Variants in SENP6 observed in about 807,000 individuals in gnomAD.
SENP6 encodes sentrin-specific protease 6.
SENP6 carries 41 observed loss-of-function variants against 134.5 expected under a neutral mutation model. The observed-to-expected ratio is 0.30, with a 90% CI of 0.24 to 0.40. The LOEUF (loss-of-function observed/expected upper bound fraction) is 0.40. Among genes scored for constraint, SENP6 ranks in the 10% least tolerant of loss-of-function variants. The pLI, the probability that SENP6 is intolerant of heterozygous loss-of-function variation, is 1.00. For missense variants in SENP6, 1,248 were observed against 1,312.5 expected, an observed-to-expected ratio of 0.95 and a Z score of 0.76; for synonymous variants, 395 against 429.8, an observed-to-expected ratio of 0.92 and a Z score of 1.00.
At chr6:75,625,620 A>C (rs1007675028) in intron 3 of SENP6, among the ~76,000 whole-genome samples, 2 of 152,194 alleles carry the variant, frequency 1.3e-5, no homozygotes, top group Non-Finnish European at 2.9e-5. Context: ...AGTAATCCCA[A>C]CACTTTGGGA....
rs1398586058 is a variant in SENP6 at position 75,716,927 on chromosome 6, T to A, written c.*1333T>A. On this transcript the variant is annotated 3_prime_UTR_variant, in exon 24 of 24. Coordinates refer to ENST00000447266, the MANE Select transcript of SENP6 (RefSeq NM_015571.4). ...GGGTATTTTCTTGAATTTAATAAAG[T>A]CCCATGGGTGGGTTCAGGGTGAATG... is the stretch of plus-strand genomic sequence containing the variant. The A allele has an allele frequency of 6.6e-6, 1 of 151,860 alleles. No homozygotes were observed. Among genetic ancestry groups the A allele is most frequent in the Non-Finnish European group, 1.5e-5 (1 of 67,832 alleles). 9.4% of individuals were successfully genotyped at this position (151,860 alleles called of 1,614,324 possible).
chr6:75,616,248 A>G (rs1036314551), intron 1 of SENP6, among the ~76,000 whole-genome samples: 5 of 152,236 alleles, frequency 3.3e-5, no homozygotes, highest in Admixed American at 1.3e-4. Flanking sequence ...TCATAATTAC[A>G]AAGGTCAACC....
intron 16 of SENP6, among the ~76,000 whole-genome samples, chr6:75,686,880 T>C (rs1008634504): frequency 6.6e-6 from 1 of 152,156 alleles, no homozygotes; most frequent in Non-Finnish European, 1.5e-5. Flanking sequence ...TGGCTTGGAG[T>C]TGCTCTTCTC....
At chr6:75,617,242 G>A (rs759930379) in intron 1 of SENP6, among the ~76,000 whole-genome samples, 5 of 140,094 alleles carry the variant, frequency 3.6e-5, no homozygotes, top group African/African-American at 5.2e-5. Context: ...TTCAATGATG[G>A]TTTGGAGAAT....
chr6:75,666,650 A>T, intron 9 of SENP6, 62 bp from the exon 10 acceptor site: 1 of 875,328 alleles, frequency 1.1e-6, no homozygotes, highest in Non-Finnish European at 1.5e-6. Context: ...ATGGACAGAA[A>T]TGAAATATAA....
At chr6:75,636,888 T>A (rs1769560151) in intron 5 of SENP6, among the ~76,000 whole-genome samples, 3 of 151,616 alleles carry the variant, frequency 2.0e-5, no homozygotes, top group Admixed American at 6.6e-5. Context: ...TTTTTTTTTT[T>A]TTTAATTATA....
At chr6:75,678,355 A>C (rs1252656608) in intron 14 of SENP6, 4 of 394,764 alleles carry the variant, frequency 1.0e-5, no homozygotes, top group Non-Finnish European at 1.8e-5. Flanking sequence ...CTGGAAAATT[A>C]CTGTTACATA....
At chr6:75,673,122 C>A (rs570867489) in intron 11 of SENP6, among the ~76,000 whole-genome samples, 1 of 152,036 alleles carries the variant, frequency 6.6e-6, no homozygotes, top group Non-Finnish European at 1.5e-5. Flanking sequence ...CCACTGCACC[C>A]GGCCAATTGG....
chr6:75,663,604 A>G (rs2149865351), intron 9 of SENP6, 86 bp downstream of exon 9: 1 of 948,380 alleles, frequency 1.1e-6, no homozygotes, highest in Admixed American at 2.9e-5. Context: ...CCAACCCCAT[A>G]TATATTTTTA....
chr6:75,689,259 A>G (rs1774066836), intron 16 of SENP6, among the ~76,000 whole-genome samples: 1 of 152,192 alleles, frequency 6.6e-6, no homozygotes, highest in African/African-American at 2.4e-5. Flanking sequence ...ATCTTTATAG[A>G]TAAGTCAAAA....
intron 18 of SENP6, among the ~76,000 whole-genome samples, chr6:75,700,562 C>T (rs1774956940): frequency 6.6e-6 from 1 of 152,154 alleles, no homozygotes; most frequent in Admixed American, 6.5e-5. Context: ...TCTCGGCTCA[C>T]TGCAATCTCC....
intron 13 of SENP6, 154 bp from the exon 14 acceptor site, chr6:75,676,876 T>G: frequency 1.8e-6 from 1 of 552,534 alleles, no homozygotes; most frequent in Non-Finnish European, 3.2e-6. Context: ...TTTCCAGTGA[T>G]TGTTGTGTAT....
At chr6:75,617,415 A>C (rs1255800198) in intron 1 of SENP6, among the ~76,000 whole-genome samples, 1 of 151,654 alleles carries the variant, frequency 6.6e-6, no homozygotes, top group East Asian at 1.9e-4. Flanking sequence ...GTGGGGTTAC[A>C]GGCATGCACC....
chr6:75,715,243 A>AC (rs1402015855), intron 23 of SENP6, 142 bp from the exon 24 acceptor site: 2 of 645,900 alleles, frequency 3.1e-6, no homozygotes, highest in Non-Finnish European at 5.4e-6. Context: ...CTAACACAGT[A>AC]CTTGGCATGT....
At chr6:75,667,173 C>T (rs1440940219) in intron 10 of SENP6, among the ~76,000 whole-genome samples, 1 of 152,042 alleles carries the variant, frequency 6.6e-6, no homozygotes, top group African/African-American at 2.4e-5. Context: ...ACAGTATCAA[C>T]CTTAAAATAA....
chr6:75,652,824 C>T (rs1361187041), intron 7 of SENP6, among the ~76,000 whole-genome samples: 1 of 151,642 alleles, frequency 6.6e-6, no homozygotes, highest in Non-Finnish European at 1.5e-5. Flanking sequence ...TTAGTTTTTG[C>T]CAGTCTGATC....
At chr6:75,625,015 TATA>T (rs1561977376) in intron 3 of SENP6, among the ~76,000 whole-genome samples, 1 of 152,006 alleles carries the variant, frequency 6.6e-6, no homozygotes, top group Non-Finnish European at 1.5e-5. Context: ...TGGTGTATTG[TATA>T]ATAATGTTAT....
chr6:75,697,010 C>T (rs1774706569), intron 17 of SENP6, among the ~76,000 whole-genome samples: 1 of 152,120 alleles, frequency 6.6e-6, no homozygotes, highest in African/African-American at 2.4e-5. Flanking sequence ...TTGGTTTTGA[C>T]CAGTGCTCAT....
intron 3 of SENP6, among the ~76,000 whole-genome samples, chr6:75,628,028 T>A (rs891713620): frequency 6.6e-6 from 1 of 152,330 alleles, no homozygotes; most frequent in Non-Finnish European, 1.5e-5. Flanking sequence ...ACATATTTTT[T>A]AAATGTAAAT....
Sources: allele counts gnomAD v4.1 joint callset (sites outside exome capture counted in the v4.1 genomes callset), GRCh38; gene constraint gnomAD v4.1.1; transcripts MANE v1.5; gene names NCBI Gene and HGNC (gene_info 2026-07-23, HGNC 2026-07-21).